Variants in ANO1 observed in about 807,000 individuals in gnomAD.
ANO1 encodes anoctamin-1.
A neutral mutation model predicts 124.0 loss-of-function variants in ANO1; 59 were observed. That is an observed-to-expected ratio of 0.48 (90% CI 0.39 to 0.59). The LOEUF (loss-of-function observed/expected upper bound fraction) is 0.59, where lower values mean the gene tolerates loss of function less well. ANO1 is among the 20% of genes least tolerant of loss of function. The probability of loss-of-function intolerance (pLI) is 0.00; values close to 1 mark genes in which losing one functional copy is unlikely to be tolerated. For missense variants in ANO1, 1,059 were observed against 1,328.0 expected, an observed-to-expected ratio of 0.80 and a Z score of 3.15; for synonymous variants, 529 against 532.0, an observed-to-expected ratio of 0.99 and a Z score of 0.08.
chr11:70,157,563 G>T (rs958264007), intron 16 of ANO1, among the ~76,000 whole-genome samples: 33 of 152,134 alleles, frequency 2.2e-4, no homozygotes, highest in Admixed American at 1.9e-3. Flanking sequence ...CACACGCCAG[G>T]GAGTACATGA....
At position 70,104,254 on chromosome 11, in the gene ANO1, C is replaced by T. The variant is rs766008836; in HGVS notation, c.692+104C>T. The T allele has an allele frequency of 8.1e-5, 107 of 1,328,160 alleles. No homozygotes were observed. In the Middle Eastern group the frequency reaches 1.0e-3, roughly 13 times the overall value. The allele number at this position is 1,328,160 out of a possible 1,614,324, so 82.3% of individuals were successfully genotyped here. ...TGATTATCTGTCCCCCAAAGAAGAGCGTGTTCTTGTAAGAGCTTTGTGGTT... is the reference window on the plus strand; with the variant it reads ...TGATTATCTGTCCCCCAAAGAAGAGTGTGTTCTTGTAAGAGCTTTGTGGTT... On this transcript the variant is annotated intron_variant, in intron 4 of 25. Coordinates refer to ENST00000355303, the MANE Select transcript of ANO1 (RefSeq NM_018043.7).
rs1447259586 is a variant in ANO1 at position 70,167,534 on chromosome 11, G to A, written c.2197+147G>A. The A allele has an allele frequency of 3.3e-6, 4 of 1,224,178 alleles. No individual in the cohort carries two copies. The East Asian group carries it at 7.8e-5, about 24-fold the overall frequency. 75.8% of individuals were successfully genotyped at this position (1,224,178 alleles called of 1,614,324 possible). On this transcript the variant is annotated intron_variant, in intron 21 of 25. Coordinates refer to ENST00000355303, the MANE Select transcript of ANO1 (RefSeq NM_018043.7). ...ATAAGCATCAGGCAGGGAGAAGAGA[G>A]ATGCAGACCCTGGGATCCTAGTGCT... is the stretch of plus-strand genomic sequence containing the variant.
intron 11 of ANO1, among the ~76,000 whole-genome samples, chr11:70,140,100 C>G (rs2047096865): frequency 6.6e-6 from 1 of 152,220 alleles, no homozygotes; most frequent in African/African-American, 2.4e-5. Flanking sequence ...AGGCTCTGTT[C>G]TTTTCTCTGT....
intron 1 of ANO1, among the ~76,000 whole-genome samples, chr11:70,047,420 C>T (rs1316361293): frequency 6.6e-6 from 1 of 152,104 alleles, no homozygotes; most frequent in Non-Finnish European, 1.5e-5. Flanking sequence ...ATATAACAAT[C>T]TTTGAATGAT....
chr11:69,986,809 A>G (rs1166633911), intron 1 of ANO1, among the ~76,000 whole-genome samples: 1 of 152,102 alleles, frequency 6.6e-6, no homozygotes, highest in African/African-American at 2.4e-5. Context: ...TGTTTCCTGG[A>G]TGATTCTCCC....
At chr11:70,040,785 A>G (rs1555004960) in intron 1 of ANO1, among the ~76,000 whole-genome samples, 3 of 152,254 alleles carry the variant, frequency 2.0e-5, no homozygotes, top group African/African-American at 7.2e-5. Flanking sequence ...GAGCAGATGG[A>G]GCTGCCTTGG....
chr11:70,181,161 C>T (rs1446715191), intron 23 of ANO1, among the ~76,000 whole-genome samples: 3 of 152,214 alleles, frequency 2.0e-5, no homozygotes, highest in African/African-American at 7.2e-5. Flanking sequence ...CCATGGCTCT[C>T]GTCCCTTCCA....
At chr11:69,980,501 G>C in the ANO1 span, among the ~76,000 whole-genome samples, 1 of 151,768 alleles carries the variant, frequency 6.6e-6, no homozygotes, top group Non-Finnish European at 1.5e-5. Context: ...GGCGCCTGTA[G>C]TCCCAGCTAC....
Position 70,188,974 on chromosome 11 carries a change from A to T in ANO1, c.*970A>T, listed in dbSNP as rs1431800491. 1 of 152,330 alleles carries T rather than the reference A, an allele frequency of 6.6e-6. No homozygotes were observed. Among genetic ancestry groups the T allele is most frequent in the Non-Finnish European group, 1.5e-5 (1 of 67,990 alleles). The allele number at this position is 152,330 out of a possible 1,614,324, so 9.4% of individuals were successfully genotyped here. On this transcript the variant is annotated 3_prime_UTR_variant, in exon 26 of 26. Coordinates refer to ENST00000355303, the MANE Select transcript of ANO1 (RefSeq NM_018043.7). ...GAGGGAGTTTATTAGTTAACCAAAT[A>T]TCGTTGAGAGGAATTTAAAATACTG...
At chr11:69,974,304 G>C in the ANO1 span, among the ~76,000 whole-genome samples, 2 of 152,184 alleles carry the variant, frequency 1.3e-5, no homozygotes, top group Non-Finnish European at 2.9e-5. Flanking sequence ...CAGCCTGGAA[G>C]ACAGAGCCAG....
At chr11:70,002,965 A>G (rs148530244) in intron 1 of ANO1, among the ~76,000 whole-genome samples, 1 of 152,298 alleles carries the variant, frequency 6.6e-6, no homozygotes, top group East Asian at 1.9e-4. Context: ...TATCTTCAGG[A>G]AGGATTTTCT....
chr11:70,156,135 C>T (rs2047808011), intron 15 of ANO1, 147 bp downstream of exon 15: 5 of 872,010 alleles, frequency 5.7e-6, no homozygotes, highest in Non-Finnish European at 6.6e-6. Flanking sequence ...ACCCAGTGAG[C>T]CCAGCATGTT....
At chr11:70,027,159 C>T (rs1450343779) in intron 1 of ANO1, among the ~76,000 whole-genome samples, 2 of 152,152 alleles carry the variant, frequency 1.3e-5, no homozygotes, top group Admixed American at 6.5e-5. Context: ...TATGTAGATT[C>T]TTTTTAACTT....
In ANO1 at chr11:70,127,244, A is replaced by T. The variant is rs535509989; in HGVS notation, c.1097+1049A>T. On this transcript the variant is annotated intron_variant, in intron 10 of 25. Transcript: ENST00000355303. ...TCCCGGGAGGTGAGATGCGAATGCT[A>T]GTGGCCTCAGTGCAGGCTGGCGCTC... 2.0e-5 allele frequency among the ~76,000 whole-genome samples: 3 copies of T among 152,138 alleles called. No individual in the cohort carries two copies. The South Asian group carries it at 6.2e-4, about 32-fold the overall frequency.
chr11:70,118,836 T>C lies in ANO1; in HGVS notation c.897+2337T>C, dbSNP rs191411905. Among the ~76,000 whole-genome samples, 15 of 135,786 alleles carry C rather than the reference T, an allele frequency of 1.1e-4. No individual in the cohort carries two copies. In the East Asian group the frequency reaches 3.2e-3, roughly 29 times the overall value. 89.1% of individuals were successfully genotyped at this position (135,786 alleles called of 152,430 possible). A position where few individuals can be genotyped will look rare whatever the true frequency, so the allele number is the denominator to read the frequency against. Reference sequence around the variant, plus strand: ...ATGAATGGTGGATGATGGGTGGGTGTGTGGATGGGTGGCTGATGGAAGGAT... The same window carrying C: ...ATGAATGGTGGATGATGGGTGGGTGCGTGGATGGGTGGCTGATGGAAGGAT... On this transcript the variant is annotated intron_variant, in intron 8 of 25. Transcript: ENST00000355303.
intron 1 of ANO1, among the ~76,000 whole-genome samples, chr11:69,995,426 T>G (rs1856250780): frequency 6.6e-6 from 1 of 152,158 alleles, no homozygotes; most frequent in South Asian, 2.1e-4. Context: ...AAGCCCATAG[T>G]GTATGCAGAT....
chr11:70,011,189 C>T (rs1323490722), intron 1 of ANO1, among the ~76,000 whole-genome samples: 1 of 152,090 alleles, frequency 6.6e-6, no homozygotes, highest in Non-Finnish European at 1.5e-5. Context: ...GCAGAGGGAA[C>T]AGCGTGTGCA....
intron 1 of ANO1, among the ~76,000 whole-genome samples, chr11:70,009,675 A>G (rs1856554714): frequency 6.6e-6 from 1 of 152,084 alleles, no homozygotes; most frequent in Non-Finnish European, 1.5e-5. Context: ...ATTTGGTGAG[A>G]CCTCAGGAAG....
chr11:70,044,371 A>C (rs1405239877), intron 1 of ANO1, among the ~76,000 whole-genome samples: 1 of 152,154 alleles, frequency 6.6e-6, no homozygotes, highest in Non-Finnish European at 1.5e-5. Context: ...GGCAGAGATT[A>C]TAGTTTGAAT....
Sources: gnomAD v4.1 joint callset for allele counts (sites outside exome capture counted in the v4.1 genomes callset) on GRCh38, gnomAD v4.1.1 for gene constraint, MANE v1.5 for transcripts, NCBI Gene and HGNC (gene_info 2026-07-23, HGNC 2026-07-21) for gene names.